The following DLGAP2 variants were observed in gnomAD, a reference collection of about 807,000 sequenced individuals.
DLGAP2 encodes DLG associated protein 2.
A neutral mutation model predicts 100.3 loss-of-function variants in DLGAP2; 26 were observed. The ratio of observed to expected loss-of-function variants is 0.26; its 90% CI spans 0.19 to 0.36. The LOEUF (loss-of-function observed/expected upper bound fraction) is 0.36. Ranked by LOEUF, DLGAP2 falls within the 10% of genes least tolerant of loss-of-function variation. The pLI is 1.00. For missense variants in DLGAP2, 1,858 were observed against 1,453.2 expected, an observed-to-expected ratio of 1.28 and a Z score of -4.53; for synonymous variants, 886 against 630.1, an observed-to-expected ratio of 1.41 and a Z score of -6.08.
intron 3 of DLGAP2, among the ~76,000 whole-genome samples, chr8:1,260,034 G>T (rs2116906982): frequency 6.6e-6 from 1 of 152,212 alleles, no homozygotes; most frequent in Admixed American, 6.5e-5. Context: ...AGAGTCAAAA[G>T]TAATGTGATG....
chr8:1,163,727 T>C (rs1323930226), intron 2 of DLGAP2, among the ~76,000 whole-genome samples: 1 of 152,012 alleles, frequency 6.6e-6, no homozygotes, highest in Non-Finnish European at 1.5e-5. Context: ...GTAATTGGTG[T>C]TGGTGGGAGT....
chr8:1,032,219 G>A (rs1003721461), intron 2 of DLGAP2, among the ~76,000 whole-genome samples: 25 of 152,222 alleles, frequency 1.6e-4, no homozygotes, highest in Non-Finnish European at 2.4e-4. Context: ...TAGTAGGAGG[G>A]GCAGCAAAGG....
At chr8:746,909 G>A (rs1820630440) in intron 1 of DLGAP2, among the ~76,000 whole-genome samples, 1 of 152,228 alleles carries the variant, frequency 6.6e-6, no homozygotes, top group Non-Finnish European at 1.5e-5. Flanking sequence ...CTGTTAGGGT[G>A]ATGTCGGCCC....
intron 6 of DLGAP2, among the ~76,000 whole-genome samples, chr8:1,567,219 G>A (rs998631966): frequency 3.3e-5 from 5 of 152,234 alleles, no homozygotes; most frequent in African/African-American, 1.2e-4. Flanking sequence ...GAAAGTGAAG[G>A]ATTGGACTGG....
At chr8:936,137 G>C (rs930972234) in intron 2 of DLGAP2, among the ~76,000 whole-genome samples, 1 of 152,216 alleles carries the variant, frequency 6.6e-6, no homozygotes, top group Non-Finnish European at 1.5e-5. Context: ...ACCGTGTGTC[G>C]CTGAGTCACA....
intron 1 of DLGAP2, among the ~76,000 whole-genome samples, chr8:765,788 C>G (rs1408576067): frequency 6.6e-6 from 1 of 152,120 alleles, no homozygotes; most frequent in African/African-American, 2.4e-5. Flanking sequence ...CATGCATGTA[C>G]ACAGACACAC....
rs75358823 is a variant in DLGAP2 at position 1,540,049 on chromosome 8, G to A, written c.173-8577G>A. Among the ~76,000 whole-genome samples, 707 of 152,278 alleles carry A rather than the reference G, an allele frequency of 4.6e-3. 17 individuals are homozygous for A. The East Asian group carries it at 0.081, about 17-fold the overall frequency. ...ACCCAGACAGGGCCTCCTCTTGCCTGCTCTCCCTGTGGTCCTCCTCCCTGG... is the reference window on the plus strand; with the variant it reads ...ACCCAGACAGGGCCTCCTCTTGCCTACTCTCCCTGTGGTCCTCCTCCCTGG... On this transcript the variant is annotated intron_variant, in intron 4 of 14. Transcript: ENST00000637795.
intron 1 of DLGAP2, among the ~76,000 whole-genome samples, chr8:867,695 G>T (rs1024507675): frequency 1.3e-5 from 2 of 152,202 alleles, no homozygotes; most frequent in Admixed American, 6.5e-5. Flanking sequence ...CTGTCACCTG[G>T]CCACCTGTGC....
At chr8:1,026,426 C>T (rs1801802111) in intron 2 of DLGAP2, among the ~76,000 whole-genome samples, 1 of 152,206 alleles carries the variant, frequency 6.6e-6, no homozygotes, top group South Asian at 2.1e-4. Context: ...GCCTTGGCTG[C>T]ACCCTGGAAT....
At chr8:1,191,392 G>T (rs576064639) in intron 2 of DLGAP2, among the ~76,000 whole-genome samples, 2 of 152,078 alleles carry the variant, frequency 1.3e-5, no homozygotes, top group Non-Finnish European at 2.9e-5. Flanking sequence ...GGATGGTCTT[G>T]ATCTCCTGAC....
intron 2 of DLGAP2, among the ~76,000 whole-genome samples, chr8:1,124,609 A>C (rs552248152): frequency 3.0e-4 from 45 of 152,226 alleles, no homozygotes; most frequent in Non-Finnish European, 4.6e-4. Flanking sequence ...TTCCTGCACT[A>C]AGCTGCTTAA....
chr8:1,641,245 G>T (rs1310103641), intron 8 of DLGAP2, among the ~76,000 whole-genome samples: 1 of 152,202 alleles, frequency 6.6e-6, no homozygotes, highest in Non-Finnish European at 1.5e-5. Flanking sequence ...GATAAATCGT[G>T]CATCTGTATC....
intron 3 of DLGAP2, among the ~76,000 whole-genome samples, chr8:1,364,419 C>T (rs767975573): frequency 1.9e-4 from 29 of 152,198 alleles, no homozygotes; most frequent in South Asian, 8.3e-4. Context: ...TGGGGGCCTC[C>T]TCCACCCCGA....
rs562694406 is a variant in DLGAP2, at chr8:1,283,058, C to T, written c.106+24175C>T. ...GTGAACCATCTGGACATGGTGTGAC[C>T]TGAACCCAGCACGTGAAGCATCCAG... On this transcript the variant is annotated intron_variant, in intron 3 of 14. Transcript: ENST00000637795. Among the ~76,000 whole-genome samples the T allele has an allele frequency of 6.2e-5, 9 of 145,772 alleles. No individual in the cohort carries two copies. The South Asian group carries it at 9.2e-4, about 15-fold the overall frequency.
At chr8:1,330,741 G>T (rs1801136375) in intron 3 of DLGAP2, among the ~76,000 whole-genome samples, 2 of 140,646 alleles carry the variant, frequency 1.4e-5, no homozygotes, top group Non-Finnish European at 1.5e-5. Context: ...CCAGGACTGA[G>T]TTCTGGGTGG....
At chr8:1,268,610 T>A (rs1563052667) in intron 3 of DLGAP2, among the ~76,000 whole-genome samples, 1 of 152,128 alleles carries the variant, frequency 6.6e-6, no homozygotes, top group African/African-American at 2.4e-5. Context: ...CTGCTGAGAG[T>A]CAAGTATCCT....
At chr8:1,285,965 C>G (rs1337086475) in intron 3 of DLGAP2, among the ~76,000 whole-genome samples, 1 of 152,188 alleles carries the variant, frequency 6.6e-6, no homozygotes, top group Admixed American at 6.5e-5. Context: ...AAGAAACACC[C>G]AAAACCTTTC....
chr8:1,380,369 T>A (rs1238463738), intron 3 of DLGAP2: 1 of 152,120 alleles, frequency 6.6e-6, no homozygotes, highest in Non-Finnish European at 1.5e-5. Flanking sequence ...TCTCCAGAAA[T>A]TATGAAATAA....
chr8:1,466,006 C>A (rs557543889), intron 3 of DLGAP2, among the ~76,000 whole-genome samples: 1 of 152,094 alleles, frequency 6.6e-6, no homozygotes, highest in Non-Finnish European at 1.5e-5. Context: ...CAGCAGAGGC[C>A]GTGGGAGTCA....
Sources: gnomAD v4.1 joint callset for allele counts (sites outside exome capture counted in the v4.1 genomes callset) on GRCh38, gnomAD v4.1.1 for gene constraint, MANE v1.5 for transcripts, NCBI Gene and HGNC (gene_info 2026-07-23, HGNC 2026-07-21) for gene names.